GAB2: variants seen among roughly 807,000 people sequenced by gnomAD.
The protein encoded by GAB2 is GRB2-associated-binding protein 2.
In GAB2, 26 loss-of-function variants were observed where a neutral mutation model predicts 65.5. The observed-to-expected ratio is 0.40, with a 90% CI of 0.29 to 0.55. The LOEUF (loss-of-function observed/expected upper bound fraction) is 0.55. Ranked by LOEUF, GAB2 falls within the 20% of genes least tolerant of loss-of-function variation. The pLI is 0.53. For missense variants in GAB2, 884 were observed against 875.8 expected (o/e 1.01, Z -0.12); for synonymous variants, 321 against 329.6 (o/e 0.97, Z 0.28).
chr11:78,250,883 T>C (rs934400037), intron 2 of GAB2, among the ~76,000 whole-genome samples: 1 of 152,124 alleles, frequency 6.6e-6, no homozygotes, highest in African/African-American at 2.4e-5. Context: ...TTCTCACTTA[T>C]AAGTTGGAGC....
intron 1 of GAB2, among the ~76,000 whole-genome samples, chr11:78,314,779 G>A (rs376166523): frequency 7.9e-5 from 12 of 152,102 alleles, no homozygotes; most frequent in Non-Finnish European, 8.8e-5. Flanking sequence ...AAAAACTGTC[G>A]GTTTAGTCAT....
chr11:78,288,326 C>T (rs1866545702), intron 1 of GAB2, among the ~76,000 whole-genome samples: 1 of 140,146 alleles, frequency 7.1e-6, no homozygotes, highest in African/African-American at 2.7e-5. Context: ...TTTCAGTGAG[C>T]TGAGATGGTG....
At chr11:78,241,872 C>T (rs1865144963) in intron 3 of GAB2, among the ~76,000 whole-genome samples, 2 of 152,202 alleles carry the variant, frequency 1.3e-5, no homozygotes, top group African/African-American at 4.8e-5. Flanking sequence ...GAGACTTCAA[C>T]ACCTCACTCT....
chr11:78,281,290 G>GGCTGGA (rs1166409255), intron 1 of GAB2, among the ~76,000 whole-genome samples: 1 of 151,634 alleles, frequency 6.6e-6, no homozygotes, highest in African/African-American at 2.4e-5. Flanking sequence ...TTGTTACCCA[G>GGCTGGA]GCTGGAGTGC....
chr11:78,346,705 AT>A lies in GAB2; in HGVS notation c.76-65805del, dbSNP rs1856190515. ...TATATATATATATATATATATATAT[AT>A]ATATATATATATATAATTTTTTTTT... On this transcript the variant is annotated intron_variant, in intron 1 of 9. Coordinates refer to ENST00000361507, the MANE Select transcript of GAB2 (RefSeq NM_080491.3). Among the ~76,000 whole-genome samples the A allele has an allele frequency of 1.6e-4, 15 of 95,524 alleles. 1 individual carries two copies. Among genetic ancestry groups the A allele is most frequent in the African/African-American group, 3.5e-4 (5 of 14,218 alleles). 62.7% of individuals were successfully genotyped at this position (95,524 alleles called of 152,430 possible). A position where few individuals can be genotyped will look rare whatever the true frequency, so the allele number is the denominator to read the frequency against.
chr11:78,250,482 AAG>A (rs1865424187), intron 2 of GAB2, 82 bp from the exon 3 acceptor site: 1 of 1,255,352 alleles, frequency 8.0e-7, no homozygotes, highest in Non-Finnish European at 1.2e-6. Context: ...AGGAAGAAAA[AAG>A]AGTAAGAGCA....
At chr11:78,278,782 G>A (rs1246832414) in intron 2 of GAB2, among the ~76,000 whole-genome samples, 1 of 151,676 alleles carries the variant, frequency 6.6e-6, no homozygotes, top group African/African-American at 2.4e-5. Flanking sequence ...GTGCAGTGGT[G>A]TGATCACAGC....
At chr11:78,220,533 T>C in intron 8 of GAB2, 89 bp from the exon 9 acceptor site, 3 of 1,164,818 alleles carry the variant, frequency 2.6e-6, no homozygotes, top group Non-Finnish European at 3.6e-6. Flanking sequence ...AAGAACACTG[T>C]TTCCCTGAGC....
chr11:78,318,514 G>C (rs995474081), intron 1 of GAB2, among the ~76,000 whole-genome samples: 9 of 152,004 alleles, frequency 5.9e-5, no homozygotes, highest in African/African-American at 2.2e-4. Flanking sequence ...GATGAGGATA[G>C]ATTAAGGGAA....
At chr11:78,330,080 T>C in intron 1 of GAB2, among the ~76,000 whole-genome samples, 1 of 152,216 alleles carries the variant, frequency 6.6e-6, no homozygotes, top group East Asian at 1.9e-4. Context: ...CTGAGTGCCA[T>C]GGGGCAGGTT....
intron 2 of GAB2, among the ~76,000 whole-genome samples, chr11:78,267,651 G>A (rs960743387): frequency 1.3e-5 from 2 of 151,902 alleles, no homozygotes; most frequent in South Asian, 2.1e-4. Flanking sequence ...GAGGTCAGGA[G>A]ATCGAGACCA....
intron 3 of GAB2, among the ~76,000 whole-genome samples, chr11:78,235,164 T>A (rs1266320039): frequency 6.6e-6 from 1 of 152,066 alleles, no homozygotes; most frequent in African/African-American, 2.4e-5. Context: ...GTTTTTCTTT[T>A]CTTTTTGAGA....
intron 1 of GAB2, among the ~76,000 whole-genome samples, chr11:78,307,781 G>C (rs907630627): frequency 6.6e-6 from 1 of 152,204 alleles, no homozygotes; most frequent in Non-Finnish European, 1.5e-5. Flanking sequence ...TACAAAAGAA[G>C]TGAGAATATA....
At chr11:78,388,548 G>A (rs967487547) in intron 1 of GAB2, among the ~76,000 whole-genome samples, 7 of 151,434 alleles carry the variant, frequency 4.6e-5, no homozygotes, top group African/African-American at 1.7e-4. Flanking sequence ...GGCTGATCTC[G>A]AACTCGTGGG....
chr11:78,372,611 G>A (rs1452739173), intron 1 of GAB2, among the ~76,000 whole-genome samples: 3 of 152,164 alleles, frequency 2.0e-5, no homozygotes, highest in Admixed American at 2.0e-4. Flanking sequence ...GAGAGGCATG[G>A]TATGTATAAC....
intron 3 of GAB2, among the ~76,000 whole-genome samples, chr11:78,243,135 G>A (rs1352837619): frequency 6.7e-6 from 1 of 149,458 alleles, no homozygotes; most frequent in Non-Finnish European, 1.5e-5. Flanking sequence ...GTACTCTCCA[G>A]TATGGGCGAC....
chr11:78,406,474 T>C (rs535514779), intron 1 of GAB2, among the ~76,000 whole-genome samples: 130 of 152,016 alleles, frequency 8.6e-4, no homozygotes, highest in African/African-American at 3.0e-3. Flanking sequence ...GCCCCCTGGG[T>C]TGAAGCAATT....
chr11:78,293,908 GTCT>G (rs1866748039), intron 1 of GAB2, among the ~76,000 whole-genome samples: 1 of 147,170 alleles, frequency 6.8e-6, no homozygotes, highest in Non-Finnish European at 1.5e-5. Context: ...TGAAATATGA[GTCT>G]TTTTTTATTT....
At position 78,226,384 on chromosome 11, in the gene GAB2, A is replaced by G. The variant is rs538376538; in HGVS notation, c.1207+81T>C. On this transcript the variant is annotated intron_variant, in intron 4 of 9. Coordinates refer to ENST00000361507, the MANE Select transcript of GAB2 (RefSeq NM_080491.3). ...GTTCGTAAGTTCCCCTCGGCCATGG[A>G]TGACCAAGGACCATCAAACTATTGA... The G allele has an allele frequency of 5.2e-5, 59 of 1,138,594 alleles. No individual in the cohort carries two copies. The African/African-American group carries it at 7.9e-4, about 15-fold the overall frequency. 70.5% of individuals were successfully genotyped at this position (1,138,594 alleles called of 1,614,324 possible).
Sources: gnomAD v4.1 joint callset for allele counts (sites outside exome capture counted in the v4.1 genomes callset) on GRCh38, gnomAD v4.1.1 for gene constraint, MANE v1.5 for transcripts, NCBI Gene and HGNC (gene_info 2026-07-23, HGNC 2026-07-21) for gene names.